The following ATRNL1 variants were observed in gnomAD, a reference collection of about 807,000 sequenced individuals.
ATRNL1 encodes the protein attractin like 1.
A neutral mutation model predicts 182.7 loss-of-function variants in ATRNL1; 95 were observed. That is an observed-to-expected ratio of 0.52 (90% CI 0.44 to 0.62). The LOEUF (loss-of-function observed/expected upper bound fraction) is 0.62, where lower values mean the gene tolerates loss of function less well. ATRNL1 is among the 20% of genes least tolerant of loss of function. ATRNL1 has a pLI of 0.00. For synonymous variants in ATRNL1, 576 were observed against 568.3 expected (o/e 1.01, Z -0.19); for missense variants, 1,471 against 1,679.5 (o/e 0.88, Z 2.17).
At chr10:115,917,380 G>T (rs1952895707) in intron 28 of ATRNL1, among the ~76,000 whole-genome samples, 1 of 147,430 alleles carries the variant, frequency 6.8e-6, no homozygotes, top group African/African-American at 2.5e-5. Flanking sequence ...TGAGGCAGGA[G>T]AATGGCGTGA....
At chr10:115,517,926 C>T (rs1554984260) in intron 24 of ATRNL1, among the ~76,000 whole-genome samples, 1 of 151,716 alleles carries the variant, frequency 6.6e-6, no homozygotes, top group African/African-American at 2.4e-5. Context: ...ATAATATTTT[C>T]ACCTATAACC....
At position 115,484,533 on chromosome 10, in the gene ATRNL1, A is replaced by G. The variant is rs147900211; in HGVS notation, c.3654+15204A>G. 3.4e-3 allele frequency among the ~76,000 whole-genome samples: 522 copies of G among 151,820 alleles called. 7 individuals carry two copies. In the East Asian group the frequency reaches 0.044, roughly 13 times the overall value. ...TTTTAGGACTGTGTGTATTTAAATA[A>G]GTCATACAATTTTTAAGGGTCATCT... On this transcript the variant is annotated intron_variant, in intron 24 of 28. Transcript: ENST00000355044.
chr10:115,804,572 T>C (rs1949874569), intron 27 of ATRNL1, among the ~76,000 whole-genome samples: 1 of 152,204 alleles, frequency 6.6e-6, no homozygotes, highest in Admixed American at 6.6e-5. Context: ...GATCTTGGTC[T>C]CTTCAGCCTC....
intron 26 of ATRNL1, among the ~76,000 whole-genome samples, chr10:115,642,440 C>CTTTTTT (rs71303504): frequency 1.3e-5 from 2 of 148,818 alleles, no homozygotes; most frequent in Non-Finnish European, 1.5e-5. Context: ...AATTCTAGTG[C>CTTTTTT]TTTTTTTTTT....
chr10:115,745,966 TAAAC>T (rs1398916663), intron 27 of ATRNL1, among the ~76,000 whole-genome samples: 1 of 152,114 alleles, frequency 6.6e-6, no homozygotes, highest in African/African-American at 2.4e-5. Context: ...CTTCATAAAA[TAAAC>T]AGTTGTATAT....
chr10:115,152,835 C>G (rs782006361), intron 5 of ATRNL1, among the ~76,000 whole-genome samples: 2,811 of 151,610 alleles, frequency 0.019, 43 homozygotes, highest in Non-Finnish European at 0.024. Flanking sequence ...CATTCAATAT[C>G]ATATTGGCTG....
At chr10:115,928,543 C>T (rs1953302478) in intron 28 of ATRNL1, among the ~76,000 whole-genome samples, 1 of 151,866 alleles carries the variant, frequency 6.6e-6, no homozygotes, top group Non-Finnish European at 1.5e-5. Flanking sequence ...TGAAAAGTTC[C>T]TGAATAAATG....
intron 25 of ATRNL1, among the ~76,000 whole-genome samples, chr10:115,535,367 A>G (rs1281312676): frequency 2.0e-5 from 3 of 151,620 alleles, no homozygotes; most frequent in Non-Finnish European, 4.4e-5. Flanking sequence ...TTCATCTTCC[A>G]TCACTGATAC....
At chr10:115,323,879 G>A (rs545131287) in intron 18 of ATRNL1, among the ~76,000 whole-genome samples, 30 of 151,976 alleles carry the variant, frequency 2.0e-4, no homozygotes, top group South Asian at 4.1e-4. Flanking sequence ...CCGGGTTCAC[G>A]CCATTCTCCT....
At chr10:115,462,057 T>C in intron 22 of ATRNL1, 22 bp downstream of exon 22, 1 of 1,539,112 alleles carries the variant, frequency 6.5e-7, no homozygotes, top group Non-Finnish European at 8.9e-7. Context: ...TTGTTATCTT[T>C]TAAAGTATAA....
intron 28 of ATRNL1, among the ~76,000 whole-genome samples, chr10:115,869,027 C>A (rs1951513244): frequency 6.6e-6 from 1 of 151,894 alleles, no homozygotes; most frequent in African/African-American, 2.4e-5. Context: ...GACGGGGTTT[C>A]ACCATGTTGG....
At position 115,093,991 on chromosome 10, in the gene ATRNL1, T is replaced by A. The variant is rs1377082565; in HGVS notation, c.241T>A (p.Cys81Ser). ...CCGCTGTGTCAACTCCACCTGCCTC[T>A]GCGACCCGGGCTGGGTGGGGGACCA... ...SGRCVNSTCL[C>S]DPGWVGDQCQ... The change falls in exon 1 of 29, where the codon TGC becomes AGC. Residue 81 changes from cysteine (C) to serine (S), a missense_variant. Physicochemically the swap from Cys to Ser is moderately radical, Grantham distance 112 (BLOSUM62 -1). Transcript: ENST00000355044. This position sits in a 1 kb window ranked among gnomAD's most constrained non-coding sequence, Gnocchi z 6.1. The A allele has an allele frequency of 6.9e-6, 11 of 1,583,110 alleles. No homozygotes were observed. Among genetic ancestry groups the A allele is most frequent in the Non-Finnish European group, 9.4e-6 (11 of 1,166,292 alleles).
At chr10:115,492,072 C>T (rs1349562412) in intron 24 of ATRNL1, among the ~76,000 whole-genome samples, 9 of 152,130 alleles carry the variant, frequency 5.9e-5, no homozygotes, top group Admixed American at 2.0e-4. Flanking sequence ...GGGCTGTACC[C>T]ACTGCCCAAC....
rs189379059 is a variant in ATRNL1 at position 115,687,073 on chromosome 10, A to G, written c.3796-40175A>G. On this transcript the variant is annotated intron_variant, in intron 26 of 28. Transcript: ENST00000355044. ...TTTGATTTGGATTTTCCTGATGATT[A>G]GCAATTTTGATTTGGATTATGATGT... Among the ~76,000 whole-genome samples, 7 of 152,198 alleles carry G rather than the reference A, an allele frequency of 4.6e-5. No homozygotes were observed. In the East Asian group the frequency reaches 1.2e-3, roughly 25 times the overall value.
At chr10:115,590,499 A>G (rs2133915454) in intron 26 of ATRNL1, among the ~76,000 whole-genome samples, 1 of 152,306 alleles carries the variant, frequency 6.6e-6, no homozygotes, top group East Asian at 1.9e-4. Context: ...TGAAGAAAAT[A>G]TACTAATACT....
At chr10:115,354,341 C>T (rs1856409234) in intron 19 of ATRNL1, among the ~76,000 whole-genome samples, 1 of 152,034 alleles carries the variant, frequency 6.6e-6, no homozygotes, top group South Asian at 2.1e-4. Context: ...ATCTCTTCAG[C>T]ATTTTTTTTT....
chr10:115,730,150 T>C (rs564481638), intron 27 of ATRNL1, among the ~76,000 whole-genome samples: 6 of 149,084 alleles, frequency 4.0e-5, no homozygotes, highest in East Asian at 2.0e-4. Flanking sequence ...CCAGTTACTC[T>C]GGAATATGAG....
intron 27 of ATRNL1, among the ~76,000 whole-genome samples, chr10:115,743,306 C>A (rs1948194225): frequency 6.6e-6 from 1 of 150,978 alleles, no homozygotes; most frequent in South Asian, 2.1e-4. Flanking sequence ...TCTGATACTA[C>A]CATTCCTATC....
At chr10:115,336,589 T>C (rs1254073517) in intron 19 of ATRNL1, among the ~76,000 whole-genome samples, 4 of 152,230 alleles carry the variant, frequency 2.6e-5, no homozygotes, top group Admixed American at 2.6e-4. Flanking sequence ...TGTGTGTCTC[T>C]GTAAACTGTC....
Sources: allele counts gnomAD v4.1 joint callset (sites outside exome capture counted in the v4.1 genomes callset), GRCh38; gene constraint gnomAD v4.1.1; non-coding constraint Gnocchi (gnomAD v3.1); transcripts MANE v1.5; gene names NCBI Gene and HGNC (gene_info 2026-07-23, HGNC 2026-07-21).